ASAP1: variants seen among roughly 807,000 people sequenced by gnomAD.
ASAP1 encodes ArfGAP with SH3 domain, ankyrin repeat and PH domain 1.
ASAP1 carries 43 observed loss-of-function variants against 145.2 expected under a neutral mutation model. The observed-to-expected ratio is 0.30, with a 90% CI of 0.23 to 0.38. ASAP1 has a LOEUF of 0.38. Ranked by LOEUF, ASAP1 falls within the 10% of genes least tolerant of loss-of-function variation. The pLI, the probability that ASAP1 is intolerant of heterozygous loss-of-function variation, is 1.00. For missense variants in ASAP1, 1,018 were observed against 1,355.3 expected, an observed-to-expected ratio of 0.75 and a Z score of 3.91; for synonymous variants, 546 against 515.5, an observed-to-expected ratio of 1.06 and a Z score of -0.80.
rs771249164 is a variant in ASAP1, at chr8:130,358,124, C to T, written c.79G>A (p.Val27Ile). The T allele has an allele frequency of 2.5e-6, 4 of 1,608,104 alleles. No homozygotes were observed. The South Asian group carries it at 4.4e-5, about 18-fold the overall frequency. ...LWNRMPDQIS[V>I]SEFIAETTED... The stretch of plus-strand genomic sequence containing the variant: ...GTGGTCTCGGCGATGAACTCCGAGA[C>T]AGAGATCTGGTCCGGCATCCTGCCG... The change falls in exon 3 of 30, where the codon GTC becomes ATC. Residue 27 changes from valine (V) to isoleucine (I), a missense_variant. By Grantham distance (29) the Val-to-Ile change is conservative (BLOSUM62 3). This residue lies in a region of ASAP1 where 106 missense variants were observed against 134.5 expected (regional missense o/e 0.79). Coordinates refer to ENST00000518721, the MANE Select transcript of ASAP1 (RefSeq NM_018482.4). This position sits in a 1 kb window ranked among gnomAD's most constrained non-coding sequence, Gnocchi z 4.1.
chr8:130,318,063 G>C (rs985512916), intron 3 of ASAP1, among the ~76,000 whole-genome samples: 1 of 152,212 alleles, frequency 6.6e-6, no homozygotes, highest in Non-Finnish European at 1.5e-5. Flanking sequence ...AATAGCACTT[G>C]TTTGATGGAA....
intron 15 of ASAP1, among the ~76,000 whole-genome samples, chr8:130,130,157 CA>C (rs1336717280): frequency 6.6e-6 from 1 of 152,058 alleles, no homozygotes; most frequent in African/African-American, 2.4e-5. Flanking sequence ...ATTTGAAATC[CA>C]AAAAAGTTGT....
intron 18 of ASAP1, among the ~76,000 whole-genome samples, chr8:130,122,315 C>T (rs2097567662): frequency 6.6e-6 from 1 of 152,186 alleles, no homozygotes; most frequent in African/African-American, 2.4e-5. Flanking sequence ...ACCTACAAGA[C>T]TGGCTGAAGT....
At chr8:130,057,661 G>C (rs759755995) in intron 29 of ASAP1, among the ~76,000 whole-genome samples, 2 of 152,130 alleles carry the variant, frequency 1.3e-5, no homozygotes, top group Non-Finnish European at 1.5e-5. Context: ...TGCTGGCCAG[G>C]CTGGTCTCGA....
At chr8:130,220,955 AT>A (rs1016172662) in intron 4 of ASAP1, among the ~76,000 whole-genome samples, 1 of 152,288 alleles carries the variant, frequency 6.6e-6, no homozygotes, top group African/African-American at 2.4e-5. Context: ...CACCCCCATG[AT>A]TCAATAACTT....
At chr8:130,207,016 A>C (rs1816269113) in intron 5 of ASAP1, among the ~76,000 whole-genome samples, 1 of 152,194 alleles carries the variant, frequency 6.6e-6, no homozygotes. Context: ...GTAATTTTTC[A>C]GTACTATACA....
chr8:130,204,430 G>C (rs1240525479), intron 5 of ASAP1, among the ~76,000 whole-genome samples: 1 of 152,124 alleles, frequency 6.6e-6, no homozygotes, highest in African/African-American at 2.4e-5. Context: ...CAGTTTGTGA[G>C]CTCTTAAATA....
At chr8:130,118,981 G>C (rs937189442) in intron 18 of ASAP1, among the ~76,000 whole-genome samples, 2 of 152,128 alleles carry the variant, frequency 1.3e-5, no homozygotes. Flanking sequence ...TTCAAACTCT[G>C]ATATATAAGC....
intron 3 of ASAP1, among the ~76,000 whole-genome samples, chr8:130,337,578 AT>A (rs1825113565): frequency 6.6e-6 from 1 of 152,240 alleles, no homozygotes; most frequent in Admixed American, 6.5e-5. Flanking sequence ...CTATCAGGAA[AT>A]AAAAGTTGGT....
At chr8:130,238,334 C>A (rs982865756) in intron 3 of ASAP1, among the ~76,000 whole-genome samples, 1 of 152,110 alleles carries the variant, frequency 6.6e-6, no homozygotes, top group Non-Finnish European at 1.5e-5. Flanking sequence ...TCTGGCCAGA[C>A]AAAATGACAT....
intron 3 of ASAP1, among the ~76,000 whole-genome samples, chr8:130,324,355 T>A (rs975026762): frequency 5.3e-5 from 8 of 152,170 alleles, no homozygotes; most frequent in African/African-American, 1.9e-4. Context: ...CGAAACTGTC[T>A]AAGGCTGTCT....
intron 10 of ASAP1, 75 bp from the exon 11 acceptor site, chr8:130,167,697 C>A (rs982056124): frequency 1.9e-6 from 2 of 1,066,570 alleles, no homozygotes; most frequent in Non-Finnish European, 2.8e-6. Context: ...CCAAAAATAC[C>A]ACTCATCAAA....
intron 15 of ASAP1, among the ~76,000 whole-genome samples, chr8:130,133,564 G>A (rs925039068): frequency 7.2e-5 from 11 of 152,010 alleles, no homozygotes; most frequent in African/African-American, 1.7e-4. Flanking sequence ...GCTGAGGCAG[G>A]AGAATGGCGT....
chr8:130,367,346 C>G (rs1227481233), intron 2 of ASAP1, among the ~76,000 whole-genome samples: 1 of 152,144 alleles, frequency 6.6e-6, no homozygotes, highest in Non-Finnish European at 1.5e-5. Context: ...TTAAAAGTGA[C>G]CAATGAATGT....
intron 23 of ASAP1, 69 bp downstream of exon 23, chr8:130,115,559 G>T (rs2097554163): frequency 1.3e-5 from 15 of 1,192,694 alleles, no homozygotes; most frequent in Non-Finnish European, 1.8e-5. Context: ...ACCAAAAATG[G>T]ATCTTGTCTA....
intron 4 of ASAP1, among the ~76,000 whole-genome samples, chr8:130,227,369 C>T (rs1417265860): frequency 6.6e-6 from 1 of 152,156 alleles, no homozygotes; most frequent in Non-Finnish European, 1.5e-5. Flanking sequence ...TCTCCCACCT[C>T]AGACTCCTGA....
At chr8:130,327,557 A>C (rs913325109) in intron 3 of ASAP1, among the ~76,000 whole-genome samples, 2 of 152,226 alleles carry the variant, frequency 1.3e-5, no homozygotes, top group African/African-American at 4.8e-5. Context: ...CTCTACTGAG[A>C]CGGGTAAAGA....
chr8:130,178,644 T>TAGGCCA (rs141890109), intron 9 of ASAP1, among the ~76,000 whole-genome samples: 48 of 152,210 alleles, frequency 3.2e-4, no homozygotes, highest in Non-Finnish European at 6.3e-4. Flanking sequence ...GGTGCAATAA[T>TAGGCCA]AGGCCAAGGC....
intron 3 of ASAP1, among the ~76,000 whole-genome samples, chr8:130,254,815 CTGAA>C (rs1469927643): frequency 9.2e-5 from 14 of 152,202 alleles, no homozygotes; most frequent in Admixed American, 7.2e-4. Flanking sequence ...TCCTAACTCT[CTGAA>C]TGAGTTTTTC....
Sources: gnomAD v4.1 joint callset for allele counts (sites outside exome capture counted in the v4.1 genomes callset) on GRCh38, gnomAD v4.1.1 for gene constraint, gnomAD v4.1.1 regional missense constraint, Gnocchi (gnomAD v3.1) non-coding constraint, MANE v1.5 for transcripts, NCBI Gene and HGNC (gene_info 2026-07-23, HGNC 2026-07-21) for gene names.